MTG1: variants seen among roughly 807,000 people sequenced by gnomAD.
MTG1 encodes the protein mitochondrial ribosome associated GTPase 1, also known as mitochondrial ribosome-associated GTPase 1.
MTG1 carries 30 observed loss-of-function variants against 39.5 expected under a neutral mutation model. The ratio of observed to expected loss-of-function variants is 0.76; its 90% confidence interval spans 0.57 to 1.03. The LOEUF is 1.03. Ranked by LOEUF, MTG1 falls within the 50% of genes least tolerant of loss-of-function variation. MTG1 has a pLI of 0.00. For synonymous variants in MTG1, 217 were observed against 179.0 expected (o/e 1.21, Z -1.69); for missense variants, 513 against 447.4 (o/e 1.15, Z -1.32).
Position 133,420,829 on chromosome 10 carries a change from T to G in MTG1, c.*664T>G, listed in dbSNP as rs1422708742. On this transcript the variant is annotated 3_prime_UTR_variant, in exon 11 of 11. Coordinates refer to ENST00000317502, the MANE Select transcript of MTG1 (RefSeq NM_138384.4). ...GCACATGGCTTTGCTGTGCAATGACTGGAAGGCCGCCCGGCATGGGCAGTA... is the reference window on the plus strand; with the variant it reads ...GCACATGGCTTTGCTGTGCAATGACGGGAAGGCCGCCCGGCATGGGCAGTA... The G allele has an allele frequency of 6.6e-6, 1 of 152,352 alleles. No homozygotes were observed. Among genetic ancestry groups the G allele is most frequent in the Non-Finnish European group, 1.5e-5 (1 of 68,138 alleles). 9.4% of individuals were successfully genotyped at this position (152,352 alleles called of 1,614,324 possible). A position where few individuals can be genotyped will look rare whatever the true frequency, so the allele number is the denominator to read the frequency against.
At chr10:133,415,917 A>G (rs1850119512) in intron 9 of MTG1, among the ~76,000 whole-genome samples, 1 of 117,154 alleles carries the variant, frequency 8.5e-6, no homozygotes, top group East Asian at 2.8e-4. Context: ...GGCCTCAGGC[A>G]CACAGGTATC....
At chr10:133,405,484 A>G (rs939943903) in intron 9 of MTG1, among the ~76,000 whole-genome samples, 59 of 152,280 alleles carry the variant, frequency 3.9e-4, no homozygotes, top group African/African-American at 1.4e-3. Flanking sequence ...TCATTAATCA[A>G]CCTCTGTCCA....
chr10:133,420,798 C>T lies in MTG1; in HGVS notation c.*633C>T, dbSNP rs933177442. On this transcript the variant is annotated 3_prime_UTR_variant, in exon 11 of 11. Coordinates refer to ENST00000317502, the MANE Select transcript of MTG1 (RefSeq NM_138384.4). ...ATGTTCAGGGCAGGGTTGAGGGGGA[C>T]GCCCTGCACATGGCTTTGCTGTGCA... 4 of 152,396 alleles carry T rather than the reference C, an allele frequency of 2.6e-5. No individual in the cohort carries two copies. Among genetic ancestry groups the T allele is most frequent in the Non-Finnish European group, 4.4e-5 (3 of 68,156 alleles). 9.4% of individuals were successfully genotyped at this position (152,396 alleles called of 1,614,324 possible).
At position 133,402,801 on chromosome 10, in the gene MTG1, G is replaced by A. The variant is rs1849904718; in HGVS notation, c.752+28G>A. On this transcript the variant is annotated intron_variant, in intron 9 of 10. Coordinates refer to ENST00000317502, the MANE Select transcript of MTG1 (RefSeq NM_138384.4). The surrounding 1 kb of genome is among the most constrained non-coding windows in gnomAD (Gnocchi z 4.7). Reference sequence around the variant, plus strand: ...GAGTGCAGTGAATGCAGGGCAGCTGGGGCCCCTCCTCCTAGTCACCTCATT... The same window carrying A: ...GAGTGCAGTGAATGCAGGGCAGCTGAGGCCCCTCCTCCTAGTCACCTCATT... 6.5e-7 allele frequency: 1 copy of A among 1,539,480 alleles called. No individual in the cohort carries two copies. Among genetic ancestry groups the A allele is most frequent in the South Asian group, 1.2e-5 (1 of 83,878 alleles).
At position 133,419,478 on chromosome 10, in the gene MTG1, A is replaced by C; in HGVS notation, c.753-2A>C. On this transcript the variant is annotated splice_acceptor_variant, in intron 9 of 10. Transcript: ENST00000317502. LOFTEE classifies it high-confidence loss of function. ...TGGTGCTGACCTGCAGCCTATGTGC[A>C]GGTACGTGCAGCACTACGGCCTGGG... 6.3e-7 allele frequency: 1 copy of C among 1,591,118 alleles called. No homozygotes were observed. Among genetic ancestry groups the C allele is most frequent in the Non-Finnish European group, 8.6e-7 (1 of 1,169,398 alleles).
At chr10:133,397,779 G>GTTTTTTTTTTTTTTTTTTTTTTT (rs35859911) in intron 3 of MTG1, among the ~76,000 whole-genome samples, 4 of 139,498 alleles carry the variant, frequency 2.9e-5, no homozygotes, top group South Asian at 4.8e-4. Flanking sequence ...CGTCCAGCCT[G>GTTTTTTTTTTTTTTTTTTTTTTT]TTTTTTTTTT....
rs190147926 is a variant in MTG1, at chr10:133,414,501, G to A, written c.753-4979G>A. Among the ~76,000 whole-genome samples, 480 of 151,788 alleles carry A rather than the reference G, an allele frequency of 3.2e-3. 4 individuals carry two copies. Among genetic ancestry groups the A allele is most frequent in the Middle Eastern group, 0.024 (7 of 292 alleles). On this transcript the variant is annotated intron_variant, in intron 9 of 10. Transcript: ENST00000317502. ...TTCCCAGACGGGGTGGCTGCTGGGC[G>A]GAGGGGCTCCTCACATCCCAGACGG...
chr10:133,398,433 A>G lies in MTG1; in HGVS notation c.283-2A>G. The G allele has an allele frequency of 6.2e-7, 1 of 1,611,466 alleles. No homozygotes were observed. The highest frequency in any genetic ancestry group is 8.5e-7 in the Non-Finnish European group (1 of 1,179,320). ...AACATAGAAATGTTTTGTGTCTTTC[A>G]GAAAATTATGCAACACTTAGAAGGA... On this transcript the variant is annotated splice_acceptor_variant, in intron 3 of 10. Coordinates refer to ENST00000317502, the MANE Select transcript of MTG1 (RefSeq NM_138384.4). LOFTEE classifies it high-confidence loss of function.
chr10:133,417,091 C>T (rs906101793), intron 9 of MTG1, among the ~76,000 whole-genome samples: 62 of 151,916 alleles, frequency 4.1e-4, no homozygotes, highest in Non-Finnish European at 7.2e-4. Context: ...TTAATGATTG[C>T]CATTCTAACT....
In MTG1 at chr10:133,421,900, C is replaced by CGGGGGGGGGGGGGGGGG. The variant is rs147046336; in HGVS notation, c.*1737_*1738insGGGGGGGGGGGGGGGGG. 2 of 115,780 alleles carry CGGGGGGGGGGGGGGGGG rather than the reference C, an allele frequency of 1.7e-5. No homozygotes were observed. Among genetic ancestry groups the CGGGGGGGGGGGGGGGGG allele is most frequent in the Non-Finnish European group, 3.6e-5 (2 of 55,810 alleles). 7.2% of individuals were successfully genotyped at this position (115,780 alleles called of 1,614,324 possible). A position where few individuals can be genotyped will look rare whatever the true frequency, so the allele number is the denominator to read the frequency against. On this transcript the variant is annotated 3_prime_UTR_variant, in exon 11 of 11. Coordinates refer to ENST00000317502, the MANE Select transcript of MTG1 (RefSeq NM_138384.4). Reference sequence around the variant, plus strand: ...TGGAGAGGGTGAGATCCCAAGGCCACGGCGGGGGGCAGGGAGAACCCCTCC... The same window carrying CGGGGGGGGGGGGGGGGG: ...TGGAGAGGGTGAGATCCCAAGGCCACGGGGGGGGGGGGGGGGGGGCGGGGGGCAGGGAGAACCCCTCC...
chr10:133,397,779 G>GTTTTTTTTTTTTTGTTTTTT (rs1849808572), intron 3 of MTG1, among the ~76,000 whole-genome samples: 2 of 139,488 alleles, frequency 1.4e-5, no homozygotes, highest in Non-Finnish European at 3.1e-5. Flanking sequence ...CGTCCAGCCT[G>GTTTTTTTTTTTTTGTTTTTT]TTTTTTTTTT....
At chr10:133,396,357 T>G (rs1849783383) in intron 3 of MTG1, 90 bp downstream of exon 3, 1 of 1,130,028 alleles carries the variant, frequency 8.8e-7, no homozygotes, top group Admixed American at 1.8e-5. Context: ...GGACGCACAC[T>G]TGTCAGTTTG....
At chr10:133,394,998 T>C (rs1849759572) in intron 1 of MTG1, among the ~76,000 whole-genome samples, 1 of 152,178 alleles carries the variant, frequency 6.6e-6, no homozygotes, top group African/African-American at 2.4e-5. Flanking sequence ...CTTTGTTATC[T>C]TGGTTGTGTG....
In MTG1 at chr10:133,420,486, AT is replaced by A; in HGVS notation, c.*322del. Reference sequence around the variant, plus strand: ...AAAGCTATAACCTGTAACCTTTAAAATCTCCAGTTAAAGGGCCTGTTTCTTA... The same window carrying A: ...AAAGCTATAACCTGTAACCTTTAAAACTCCAGTTAAAGGGCCTGTTTCTTA... On this transcript the variant is annotated 3_prime_UTR_variant, in exon 11 of 11. Transcript: ENST00000317502. The A allele has an allele frequency of 3.4e-6, 1 of 295,454 alleles. No individual in the cohort carries two copies. Among genetic ancestry groups the A allele is most frequent in the East Asian group, 5.7e-5 (1 of 17,606 alleles). 18.3% of individuals were successfully genotyped at this position (295,454 alleles called of 1,614,324 possible).
chr10:133,398,917 A>C (rs552460983), intron 4 of MTG1, among the ~76,000 whole-genome samples: 2 of 152,210 alleles, frequency 1.3e-5, no homozygotes, highest in South Asian at 2.1e-4. Flanking sequence ...GCTCAGTCTG[A>C]CATCTGTGAC....
chr10:133,401,266 G>T (rs747953347), intron 6 of MTG1, among the ~76,000 whole-genome samples: 2 of 152,206 alleles, frequency 1.3e-5, no homozygotes, highest in African/African-American at 2.4e-5. Context: ...TCTCTGTGTG[G>T]CTTGGAAAGT....
chr10:133,419,515 A>G lies in MTG1; in HGVS notation c.788A>G (p.Asp263Gly). Residue 263 changes from aspartate (D) to glycine (G), a missense_variant, in exon 10 of 11, where the codon GAC becomes GGC. By Grantham distance (94) the Asp-to-Gly change is moderately conservative (BLOSUM62 -1). Coordinates refer to ENST00000317502, the MANE Select transcript of MTG1 (RefSeq NM_138384.4). ...CACTACGGCCTGGGCAGTGCCTGTG[A>G]CAACGTAGAGCGCGTGCTGAAGAGT... ...VQHYGLGSAC[D>G]NVERVLKSVA... The G allele has an allele frequency of 1.9e-6, 3 of 1,608,746 alleles. No individual in the cohort carries two copies. Among genetic ancestry groups the G allele is most frequent in the African/African-American group, 2.7e-5 (2 of 74,982 alleles).
chr10:133,404,696 TC>T (rs1367079880), intron 9 of MTG1, among the ~76,000 whole-genome samples: 3 of 152,332 alleles, frequency 2.0e-5, no homozygotes, highest in East Asian at 3.9e-4. Context: ...AGGGCTATGA[TC>T]CTTTCTGATT....
At chr10:133,398,999 T>G (rs1849828679) in intron 4 of MTG1, among the ~76,000 whole-genome samples, 171 bp from the exon 5 acceptor site, 2 of 152,112 alleles carry the variant, frequency 1.3e-5, no homozygotes, top group Admixed American at 1.3e-4. Context: ...GACGCCCAGT[T>G]TGCCTATGAA....
Sources: gnomAD v4.1 joint callset for allele counts (sites outside exome capture counted in the v4.1 genomes callset) on GRCh38, gnomAD v4.1.1 for gene constraint, Gnocchi (gnomAD v3.1) non-coding constraint, MANE v1.5 for transcripts, NCBI Gene and HGNC (gene_info 2026-07-23, HGNC 2026-07-21) for gene names.